Variants in SLFNL1 observed in about 807,000 individuals in gnomAD.
SLFNL1 encodes schlafen like 1, also known as schlafen-like protein 1.
SLFNL1 carries 26 observed loss-of-function variants against 32.5 expected under a neutral mutation model. That is an observed-to-expected ratio of 0.80 (90% CI 0.59 to 1.11). The LOEUF is 1.11. Among genes scored for constraint, SLFNL1 ranks in the 50% least tolerant of loss-of-function variants. SLFNL1 has a pLI of 0.00. For synonymous variants in SLFNL1, 255 were observed against 242.2 expected (o/e 1.05, Z -0.49); for missense variants, 553 against 546.5 (o/e 1.01, Z -0.12).
intron 3 of SLFNL1, among the ~76,000 whole-genome samples, chr1:41,018,984 G>A (rs12754704): frequency 1.3e-5 from 2 of 151,264 alleles, no homozygotes; most frequent in Non-Finnish European, 2.9e-5. Context: ...GGATTACAGG[G>A]GCCCGCCACC....
At position 41,020,775 on chromosome 1, in the gene SLFNL1, G is replaced by C; in HGVS notation, c.-115C>G. 1.1e-6 allele frequency: 1 copy of C among 931,430 alleles called. No individual in the cohort carries two copies. Among genetic ancestry groups the C allele is most frequent in the South Asian group, 1.6e-5 (1 of 60,624 alleles). 57.7% of individuals were successfully genotyped at this position (931,430 alleles called of 1,614,324 possible). A position where few individuals can be genotyped will look rare whatever the true frequency, so the allele number is the denominator to read the frequency against. On this transcript the variant is annotated 5_prime_UTR_variant, in exon 3 of 6. Transcript: ENST00000302946. Reference sequence around the variant, plus strand: ...CCCAGAGGACTCAGGGAGTGTCCCGGCTCCTGGGAGGTACACAGATTGGCA... The same window carrying C: ...CCCAGAGGACTCAGGGAGTGTCCCGCCTCCTGGGAGGTACACAGATTGGCA...
rs769788214 is a variant in SLFNL1 at position 41,017,200 on chromosome 1, G to C, written c.1101+34C>G. ...GCTGAAGGGGTCTGGGGTCAGCTCC[G>C]CTCCACCCCACCCACTGGCCTCAGC... On this transcript the variant is annotated intron_variant, in intron 5 of 5. Coordinates refer to ENST00000302946, the MANE Select transcript of SLFNL1 (RefSeq NM_144990.4). The surrounding 1 kb of genome is among the most constrained non-coding windows in gnomAD (Gnocchi z 4.9). 8.5e-6 allele frequency: 13 copies of C among 1,527,954 alleles called. No homozygotes were observed. The Admixed American group carries it at 2.0e-4, about 23-fold the overall frequency. The allele number at this position is 1,527,954 out of a possible 1,614,324, so 94.6% of individuals were successfully genotyped here.
In SLFNL1 at chr1:41,017,227, T is replaced by TC. The variant is rs1193119416; in HGVS notation, c.1101+6dup. ...TCCACCCCACCCACTGGCCTCAGCT[T>TC]CCGTACCTGCCTGCACCACTCCTGG... On this transcript the variant is annotated splice_region_variant and intron_variant, in intron 5 of 5. Transcript: ENST00000302946. The surrounding 1 kb of genome is among the most constrained non-coding windows in gnomAD (Gnocchi z 4.9). The TC allele has an allele frequency of 1.9e-6, 3 of 1,556,388 alleles. No individual in the cohort carries two copies. Among genetic ancestry groups the TC allele is most frequent in the Middle Eastern group, 1.9e-4 (1 of 5,370 alleles).
At position 41,017,861 on chromosome 1, in the gene SLFNL1, C is replaced by A; in HGVS notation, c.731G>T (p.Arg244Leu). ...GTTGAGGAAGGCGCACACGTAGCGC[C>A]GCACGTGGTGCTTGAAGGCCAGGCT... ...YLSLAFKHHV[R>L]RYVCAFLNSE... Residue 244 changes from arginine (R) to leucine (L), a missense_variant, in exon 4 of 6, where the codon CGG becomes CTG. Arg to Leu is a moderately radical substitution (Grantham distance 102, BLOSUM62 -2). Coordinates refer to ENST00000302946, the MANE Select transcript of SLFNL1 (RefSeq NM_144990.4). The surrounding 1 kb of genome is among the most constrained non-coding windows in gnomAD (Gnocchi z 4.9). 6.2e-7 allele frequency: 1 copy of A among 1,605,862 alleles called. No homozygotes were observed. The highest frequency in any genetic ancestry group is 8.5e-7 in the Non-Finnish European group (1 of 1,174,154).
intron 3 of SLFNL1, 112 bp downstream of exon 3, chr1:41,020,114 G>A: frequency 1.7e-6 from 2 of 1,154,858 alleles, no homozygotes; most frequent in Non-Finnish European, 2.4e-6. Context: ...TTGCAGATTT[G>A]TCCCTGCTTC....
intron 3 of SLFNL1, among the ~76,000 whole-genome samples, chr1:41,019,766 C>A (rs191676377): frequency 8.6e-4 from 131 of 152,356 alleles, no homozygotes; most frequent in African/African-American, 3.1e-3. Context: ...AGCCACCTTG[C>A]AGCTCGGTGG....
Position 41,015,944 on chromosome 1 carries a change from G to T in SLFNL1, c.*162C>A. 1.1e-6 allele frequency: 1 copy of T among 945,972 alleles called. No individual in the cohort carries two copies. The highest frequency in any genetic ancestry group is 1.6e-6 in the Non-Finnish European group (1 of 638,770). 58.6% of individuals were successfully genotyped at this position (945,972 alleles called of 1,614,324 possible). On this transcript the variant is annotated 3_prime_UTR_variant, in exon 6 of 6. Transcript: ENST00000302946. ...TGGCTACACAGATGGGTCTGTCAGG[G>T]TTGAAGCCACATGGGTGCCTGCTCA...
At position 41,017,111 on chromosome 1, in the gene SLFNL1, G is replaced by T; in HGVS notation, c.1101+123C>A. 2 of 1,246,432 alleles carry T rather than the reference G, an allele frequency of 1.6e-6. No individual in the cohort carries two copies. Among genetic ancestry groups the T allele is most frequent in the East Asian group, 2.6e-5 (1 of 38,642 alleles). 77.2% of individuals were successfully genotyped at this position (1,246,432 alleles called of 1,614,324 possible). On this transcript the variant is annotated intron_variant, in intron 5 of 5. Transcript: ENST00000302946. The surrounding 1 kb of genome is among the most constrained non-coding windows in gnomAD (Gnocchi z 4.9). ...GTGTGATTGTATTCCAACCCCTTGG[G>T]TTCAACGGGGTGATGCAGGACCCAG...
At chr1:41,021,522 C>CCACACACCCAGCCTGCATCTTCT (rs1643834348) in intron 1 of SLFNL1, 101 bp downstream of exon 1, 1 of 152,664 alleles carries the variant, frequency 6.6e-6, no homozygotes, top group Non-Finnish European at 1.5e-5. Context: ...CTACTGCTCC[C>CCACACACCCAGCCTGCATCTTCT]CACACACCCA....
chr1:41,016,019 C>T lies in SLFNL1; in HGVS notation c.*87G>A. 3 of 1,518,242 alleles carry T rather than the reference C, an allele frequency of 2.0e-6. No homozygotes were observed. The South Asian group carries it at 3.9e-5, about 20-fold the overall frequency. 94.0% of individuals were successfully genotyped at this position (1,518,242 alleles called of 1,614,324 possible). On this transcript the variant is annotated 3_prime_UTR_variant, in exon 6 of 6. Coordinates refer to ENST00000302946, the MANE Select transcript of SLFNL1 (RefSeq NM_144990.4). ...TCCGCCTCTCAGCAGCCCGCATGGG[C>T]TTTACTGGTTGGCCTTACACTCAAA...
intron 3 of SLFNL1, among the ~76,000 whole-genome samples, chr1:41,019,616 C>T (rs1643666705): frequency 1.3e-5 from 2 of 152,240 alleles, no homozygotes; most frequent in Non-Finnish European, 2.9e-5. Context: ...TCTGCATATT[C>T]TGTGTCCCTT....
At chr1:41,021,522 C>T (rs1287386546) in intron 1 of SLFNL1, 101 bp downstream of exon 1, 2 of 152,664 alleles carry the variant, frequency 1.3e-5, no homozygotes, top group Non-Finnish European at 2.9e-5. Flanking sequence ...CTACTGCTCC[C>T]CACACACCCA....
At chr1:41,016,460 T>C (rs1643335419) in intron 5 of SLFNL1, 1 of 563,212 alleles carries the variant, frequency 1.8e-6, no homozygotes, top group East Asian at 3.2e-5. Flanking sequence ...GGGCAGGCCA[T>C]GTGCCTCCTC....
chr1:41,021,531 C>T (rs1052867826), intron 1 of SLFNL1, 92 bp downstream of exon 1: 1 of 152,728 alleles, frequency 6.5e-6, no homozygotes, highest in African/African-American at 2.4e-5. Flanking sequence ...CCCACACACC[C>T]AGCCTGCATC....
chr1:41,017,923 G>T lies in SLFNL1; in HGVS notation c.669C>A (p.Arg223=). 1 of 1,612,732 alleles carries T rather than the reference G, an allele frequency of 6.2e-7. No homozygotes were observed. ...CGCTACCCCGCTTGAACTCCATATT[G>T]CGGGTCTCGCTGCCCAGGAAGGCAC... ...FQGAFLGSET[R]NMEFKRGSGE... The change falls in exon 4 of 6, where the codon CGC becomes CGA. Residue 223 remains arginine (R), a synonymous_variant. Coordinates refer to ENST00000302946, the MANE Select transcript of SLFNL1 (RefSeq NM_144990.4). This position sits in a 1 kb window ranked among gnomAD's most constrained non-coding sequence, Gnocchi z 4.9.
rs748832601 is a variant in SLFNL1 at position 41,018,094 on chromosome 1, G to A, written c.498C>T (p.Val166=). The part of the protein sequence containing the change: ...LSPGPSPGSG[V]PLPTWPTHTL... The stretch of plus-strand genomic sequence containing the variant: ...TGTGTGTAGGCCAGGTGGGCAGCGG[G>A]ACACCAGAGCCTGGACTGGGGCCAG... Residue 166 remains valine, a synonymous_variant, in exon 4 of 6, where the codon GTC becomes GTT. Transcript: ENST00000302946. 4 of 1,551,986 alleles carry A rather than the reference G, an allele frequency of 2.6e-6. No individual in the cohort carries two copies. Among genetic ancestry groups the A allele is most frequent in the Non-Finnish European group, 3.5e-6 (4 of 1,144,092 alleles).
intron 3 of SLFNL1, among the ~76,000 whole-genome samples, chr1:41,018,828 G>GTT (rs34061852): frequency 0.25 from 15,455 of 60,758 alleles, 3,863 homozygotes; most frequent in Non-Finnish European, 0.29. Flanking sequence ...CAACCCTCCT[G>GTT]TTTTTTTTTT....
At position 41,017,755 on chromosome 1, in the gene SLFNL1, G is replaced by A. The variant is rs1558195786; in HGVS notation, c.837C>T (p.Asp279=). ...QGIRCSHRDE[D]RARLLVDSIL... is the part of the protein sequence containing the mutation. ...TGGAGTCCACCAGCAGGCGTGCGCG[G>A]TCCTCGTCACGGTGGCTGCAGCGGA... The change falls in exon 4 of 6, where the codon GAC becomes GAT. Residue 279 remains aspartate (D), a synonymous_variant. Transcript: ENST00000302946. The surrounding 1 kb of genome is among the most constrained non-coding windows in gnomAD (Gnocchi z 4.9). The A allele has an allele frequency of 6.2e-7, 1 of 1,608,142 alleles. No homozygotes were observed. Among genetic ancestry groups the A allele is most frequent in the South Asian group, 1.1e-5 (1 of 90,504 alleles).
chr1:41,017,419 C>T lies in SLFNL1; in HGVS notation c.958-42G>A, dbSNP rs372626787. On this transcript the variant is annotated intron_variant, in intron 4 of 5. Coordinates refer to ENST00000302946, the MANE Select transcript of SLFNL1 (RefSeq NM_144990.4). This position sits in a 1 kb window ranked among gnomAD's most constrained non-coding sequence, Gnocchi z 4.9. ...GCAGCTCTGGAGGCGCCGCCCCTCA[C>T]GGTCGGCAGCCCCCATCCTGCCAGG... 135 of 1,590,500 alleles carry T rather than the reference C, an allele frequency of 8.5e-5. No individual in the cohort carries two copies. The highest frequency in any genetic ancestry group is 1.1e-4 in the Non-Finnish European group (128 of 1,167,686).
Sources: allele counts gnomAD v4.1 joint callset (sites outside exome capture counted in the v4.1 genomes callset), GRCh38; gene constraint gnomAD v4.1.1; non-coding constraint Gnocchi (gnomAD v3.1); transcripts MANE v1.5; gene names NCBI Gene and HGNC (gene_info 2026-07-23, HGNC 2026-07-21).